Variants in TMEM94 observed in about 807,000 individuals in gnomAD.
TMEM94 encodes the protein ER Mg2+ ATPase.
A neutral mutation model predicts 158.6 loss-of-function variants in TMEM94; 81 were observed. That is an observed-to-expected ratio of 0.51 (90% CI 0.43 to 0.61). The LOEUF is 0.61. Ranked by LOEUF, TMEM94 falls within the 20% of genes least tolerant of loss-of-function variation. The pLI is 0.00. For missense variants in TMEM94, 1,435 were observed against 1,762.0 expected, an observed-to-expected ratio of 0.81 and a Z score of 3.32; for synonymous variants, 751 against 730.7, an observed-to-expected ratio of 1.03 and a Z score of -0.45.
At position 75,492,136 on chromosome 17, in the gene TMEM94, C is replaced by T. The variant is rs1004298742; in HGVS notation, c.1596+236C>T. The stretch of plus-strand genomic sequence containing the variant: ...GCAATCACTGGTGTCCCTACTGGAA[C>T]CTTCCAAATATACACAGCCCGGAGC... On this transcript the variant is annotated intron_variant, in intron 14 of 31. Transcript: ENST00000314256. This position sits in a 1 kb window ranked among gnomAD's most constrained non-coding sequence, Gnocchi z 4.4. 4.6e-6 allele frequency: 4 copies of T among 870,270 alleles called. No homozygotes were observed. The Admixed American group carries it at 8.8e-5, about 19-fold the overall frequency. The allele number at this position is 870,270 out of a possible 1,614,324, so 53.9% of individuals were successfully genotyped here.
intron 1 of TMEM94, among the ~76,000 whole-genome samples, chr17:75,462,965 C>T (rs2050127158): frequency 1.5e-5 from 2 of 133,482 alleles, no homozygotes; most frequent in African/African-American, 5.9e-5. Context: ...TGCACTCCAG[C>T]CTGGGCAACA....
chr17:75,489,319 G>A lies in TMEM94; in HGVS notation c.818G>A (p.Arg273Gln), dbSNP rs1293200056. The part of the protein sequence containing the change: ...SRPVTALDNE[R>Q]FTVQSVMLHY... ...CCAGTCACTGCCCTGGACAATGAGC[G>A]GTTCACAGTGCAGTCGGTGATGCTA... Residue 273 changes from arginine to glutamine, a missense_variant, in exon 8 of 32, where the codon CGG (arginine) becomes CAG (glutamine). By Grantham distance (43) the Arg-to-Gln change is conservative. Coordinates refer to ENST00000314256, the MANE Select transcript of TMEM94 (RefSeq NM_014738.6). The surrounding 1 kb of genome is among the most constrained non-coding windows in gnomAD (Gnocchi z 5.0). The A allele has an allele frequency of 2.5e-6, 4 of 1,614,216 alleles. No homozygotes were observed. Among genetic ancestry groups the A allele is most frequent in the South Asian group, 1.1e-5 (1 of 91,088 alleles).
chr17:75,465,505 AC>A (rs2050269124), intron 1 of TMEM94, among the ~76,000 whole-genome samples: 1 of 151,598 alleles, frequency 6.6e-6, no homozygotes, highest in South Asian at 2.1e-4. Context: ...ATCATGGCTC[AC>A]TGCAACCTCC....
At chr17:75,490,936 G>A in intron 11 of TMEM94, 113 bp from the exon 12 acceptor site, 3 of 975,504 alleles carry the variant, frequency 3.1e-6, no homozygotes, top group Non-Finnish European at 4.7e-6. Context: ...TCCCAGAGAA[G>A]TGCCTCTCCA....
In TMEM94 at chr17:75,485,726, G is replaced by A; in HGVS notation, c.145-145G>A. 2 of 1,329,770 alleles carry A rather than the reference G, an allele frequency of 1.5e-6. No individual in the cohort carries two copies. The highest frequency in any genetic ancestry group is 2.0e-6 in the Non-Finnish European group (2 of 977,372). The allele number at this position is 1,329,770 out of a possible 1,614,324, so 82.4% of individuals were successfully genotyped here. Reference sequence around the variant, plus strand: ...AGAGTGGCTCCTGAGCCTGCTTGCTGCAGGAGCCCAACAGGCTGGAGCCCA... The same window carrying A: ...AGAGTGGCTCCTGAGCCTGCTTGCTACAGGAGCCCAACAGGCTGGAGCCCA... On this transcript the variant is annotated intron_variant, in intron 3 of 31. Coordinates refer to ENST00000314256, the MANE Select transcript of TMEM94 (RefSeq NM_014738.6). The surrounding 1 kb of genome is among the most constrained non-coding windows in gnomAD (Gnocchi z 5.5).
chr17:75,489,004 T>A lies in TMEM94; in HGVS notation c.764+94T>A, dbSNP rs577749224. ...GAAGGGGCCCCGTTCATCTCGAGGT[T>A]CTCTTGAGGGCAGGCATCTCCTTAG... On this transcript the variant is annotated intron_variant, in intron 7 of 31. Transcript: ENST00000314256. The surrounding 1 kb of genome is among the most constrained non-coding windows in gnomAD (Gnocchi z 5.0). 97 of 1,344,562 alleles carry A rather than the reference T, an allele frequency of 7.2e-5. 1 individual carries two copies. The South Asian group carries it at 1.3e-3, about 18-fold the overall frequency. The allele number at this position is 1,344,562 out of a possible 1,614,324, so 83.3% of individuals were successfully genotyped here.
Position 75,492,543 on chromosome 17 carries a change from C to T in TMEM94, c.1666C>T (p.Leu556=). ...DFVCDYHLEM[L]SLSQDQQNPS... The stretch of plus-strand genomic sequence containing the variant: ...TGTGTGTGACTACCACCTGGAGATG[C>T]TGAGCCTGTCCCAGGACCAGCAGAA... Residue 556 remains leucine (L), a synonymous_variant, in exon 15 of 32, where the codon CTG becomes TTG. Transcript: ENST00000314256. This position sits in a 1 kb window ranked among gnomAD's most constrained non-coding sequence, Gnocchi z 4.4. 6.2e-7 allele frequency: 1 copy of T among 1,613,778 alleles called. No homozygotes were observed. The highest frequency in any genetic ancestry group is 8.5e-7 in the Non-Finnish European group (1 of 1,179,848).
At chr17:75,467,106 C>G (rs2050332772) in intron 1 of TMEM94, among the ~76,000 whole-genome samples, 1 of 151,270 alleles carries the variant, frequency 6.6e-6, no homozygotes, top group South Asian at 2.1e-4. Context: ...TCCCAAGCAG[C>G]TGGGATTACA....
In TMEM94 at chr17:75,495,819, C is replaced by T. The variant is rs2052624976; in HGVS notation, c.2945-147C>T. ...GGTTGGAGTCAGAAGTGCCGATGTTCACATGATCCCGCTGCCGGGGGTGGG... is the reference window on the plus strand; with the variant it reads ...GGTTGGAGTCAGAAGTGCCGATGTTTACATGATCCCGCTGCCGGGGGTGGG... On this transcript the variant is annotated intron_variant, in intron 22 of 31. Transcript: ENST00000314256. The surrounding 1 kb of genome is among the most constrained non-coding windows in gnomAD (Gnocchi z 5.6). 3.8e-6 allele frequency: 3 copies of T among 795,994 alleles called. No individual in the cohort carries two copies. Among genetic ancestry groups the T allele is most frequent in the Non-Finnish European group, 4.1e-6 (2 of 485,836 alleles). 49.3% of individuals were successfully genotyped at this position (795,994 alleles called of 1,614,324 possible). A position where few individuals can be genotyped will look rare whatever the true frequency, so the allele number is the denominator to read the frequency against.
chr17:75,476,857 G>A, intron 2 of TMEM94: 2 of 1,464,728 alleles, frequency 1.4e-6, no homozygotes, highest in Non-Finnish European at 1.8e-6. Flanking sequence ...AATGCAAAAT[G>A]GGAGGCTGCT....
intron 1 of TMEM94, among the ~76,000 whole-genome samples, chr17:75,465,291 C>T (rs780309570): frequency 2.0e-5 from 3 of 152,016 alleles, no homozygotes; most frequent in Non-Finnish European, 2.9e-5. Flanking sequence ...AAATTACAGG[C>T]GTGAGCCACC....
rs931297224 is a variant in TMEM94, at chr17:75,456,712, G to C, written c.-146G>C. ...GTGAAGTGAGGAGGGGGTTGGGAGGGGAGAGGACGCGGGCGAGGAAGACCA... is the reference window on the plus strand; with the variant it reads ...GTGAAGTGAGGAGGGGGTTGGGAGGCGAGAGGACGCGGGCGAGGAAGACCA... On this transcript the variant is annotated 5_prime_UTR_variant, in exon 1 of 32. Transcript: ENST00000314256. 4 of 152,328 alleles carry C rather than the reference G, an allele frequency of 2.6e-5. No individual in the cohort carries two copies. Among genetic ancestry groups the C allele is most frequent in the African/African-American group, 9.6e-5 (4 of 41,462 alleles). 9.4% of individuals were successfully genotyped at this position (152,328 alleles called of 1,614,324 possible).
chr17:75,463,060 A>G (rs2050147043), intron 1 of TMEM94, among the ~76,000 whole-genome samples: 1 of 20,632 alleles, frequency 4.8e-5, no homozygotes, highest in Admixed American at 4.1e-4. Flanking sequence ...ATATATATAT[A>G]TATATATATA....
intron 2 of TMEM94, among the ~76,000 whole-genome samples, chr17:75,479,600 G>A (rs2050996124): frequency 6.6e-6 from 1 of 151,582 alleles, no homozygotes; most frequent in Non-Finnish European, 1.5e-5. Context: ...TTACAGGCAT[G>A]AGCCACTGAG....
At position 75,492,734 on chromosome 17, in the gene TMEM94, C is replaced by T. The variant is rs117030777; in HGVS notation, c.1857C>T (p.Ser619=). ...ACATCGCCCTGCAAGAGAGCCACAG[C>T]GCCGTGCTGCCCGTCCATGTGCCCT... ...LCNIALQESH[S]AVLPVHVPWG... is the part of the protein sequence containing the mutation. The change falls in exon 15 of 32, where the codon AGC becomes AGT. Residue 619 remains serine, a synonymous_variant. Coordinates refer to ENST00000314256, the MANE Select transcript of TMEM94 (RefSeq NM_014738.6). This position sits in a 1 kb window ranked among gnomAD's most constrained non-coding sequence, Gnocchi z 4.4. 25,583 of 1,610,378 alleles carry T rather than the reference C, an allele frequency of 0.016. 265 individuals carry two copies. The highest frequency in any genetic ancestry group is 0.019 in the Non-Finnish European group (22,418 of 1,179,980).
rs148424621 is a variant in TMEM94 at position 75,490,310 on chromosome 17, G to A, written c.1031G>A (p.Arg344His). Residue 344 changes from arginine to histidine, a missense_variant, in exon 10 of 32, where the codon CGT becomes CAT. Physicochemically the swap from Arg to His is conservative, Grantham distance 29 (BLOSUM62 0). This residue lies in a region of TMEM94 where 1,051 missense variants were observed against 1,254.4 expected (regional missense o/e 0.84). Coordinates refer to ENST00000314256, the MANE Select transcript of TMEM94 (RefSeq NM_014738.6). ...WVLATACGEARVLAQMSKASP... is the reference protein window; with the variant it reads ...WVLATACGEAHVLAQMSKASP... ...CTGGCAACTGCCTGTGGAGAGGCCC[G>A]TGTCCTGGCCCAGATGAGCAAGGCC... 1.2e-4 allele frequency: 197 copies of A among 1,613,996 alleles called. No homozygotes were observed. Among genetic ancestry groups the A allele is most frequent in the Non-Finnish European group, 1.5e-4 (178 of 1,180,008 alleles).
At chr17:75,466,360 TG>T (rs1489011299) in intron 1 of TMEM94, among the ~76,000 whole-genome samples, 3 of 152,244 alleles carry the variant, frequency 2.0e-5, no homozygotes, top group Admixed American at 2.0e-4. Flanking sequence ...TTTTGATTAC[TG>T]TAGCTGTATG....
chr17:75,476,543 G>A, intron 2 of TMEM94: 4 of 1,451,130 alleles, frequency 2.8e-6, no homozygotes, highest in Non-Finnish European at 3.6e-6. Context: ...GCCTGATTCT[G>A]TGCAGCACCC....
intron 2 of TMEM94, 94 bp downstream of exon 2, chr17:75,472,023 G>C: frequency 7.5e-7 from 1 of 1,326,450 alleles, no homozygotes; most frequent in Non-Finnish European, 1.1e-6. Flanking sequence ...TTAACTGGGG[G>C]CTTTAAACAA....
Sources: allele counts gnomAD v4.1 joint callset (sites outside exome capture counted in the v4.1 genomes callset), GRCh38; gene constraint gnomAD v4.1.1; regional missense constraint gnomAD v4.1.1; non-coding constraint Gnocchi (gnomAD v3.1); transcripts MANE v1.5; gene names NCBI Gene and HGNC (gene_info 2026-07-23, HGNC 2026-07-21).